The following NAA60 variants were observed in gnomAD, a reference collection of about 807,000 sequenced individuals.
NAA60 encodes N-alpha-acetyltransferase 60.
NAA60 carries 8 observed loss-of-function variants against 26.1 expected under a neutral mutation model. The observed-to-expected ratio is 0.31, with a 90% CI of 0.18 to 0.55. The LOEUF is 0.55. Among genes scored for constraint, NAA60 ranks in the 20% least tolerant of loss-of-function variants. The pLI, the probability that NAA60 is intolerant of heterozygous loss-of-function variation, is 0.93. For missense variants in NAA60, 290 were observed against 311.3 expected (o/e 0.93, Z 0.51); for synonymous variants, 131 against 122.5 (o/e 1.07, Z -0.46).
chr16:3,463,426 C>T (rs1034102747), intron 2 of NAA60, among the ~76,000 whole-genome samples: 3 of 151,044 alleles, frequency 2.0e-5, no homozygotes, highest in African/African-American at 4.9e-5. Context: ...AACTTAATGT[C>T]TGTACTGTCA....
intron 2 of NAA60, among the ~76,000 whole-genome samples, chr16:3,469,669 T>G (rs979079715): frequency 5.3e-5 from 8 of 152,136 alleles, no homozygotes; most frequent in Non-Finnish European, 1.0e-4. Context: ...AGCACCTGCC[T>G]GGCGGGGCCT....
intron 2 of NAA60, chr16:3,457,905 C>G (rs1310694239): frequency 2.6e-6 from 1 of 380,708 alleles, no homozygotes; most frequent in Non-Finnish European, 3.0e-6. Flanking sequence ...CGCACGGAGC[C>G]TGCCCGCTCC....
rs1567407045 is a variant in NAA60 at position 3,486,128 on chromosome 16, C to T, written c.*868C>T. The T allele has an allele frequency of 5.4e-6, 1 of 185,402 alleles. No individual in the cohort carries two copies. Among genetic ancestry groups the T allele is most frequent in the Non-Finnish European group, 1.2e-5 (1 of 86,156 alleles). 11.5% of individuals were successfully genotyped at this position (185,402 alleles called of 1,614,324 possible). A position where few individuals can be genotyped will look rare whatever the true frequency, so the allele number is the denominator to read the frequency against. ...GGAAGCTGAGCTCGACATTAGGCCTCAAGGCTGCCATCTGTCTTGTAGGGC... is the reference window on the plus strand; with the variant it reads ...GGAAGCTGAGCTCGACATTAGGCCTTAAGGCTGCCATCTGTCTTGTAGGGC... On this transcript the variant is annotated 3_prime_UTR_variant, in exon 8 of 8. Transcript: ENST00000407558.
At chr16:3,484,138 T>C (rs938198760) in intron 6 of NAA60, among the ~76,000 whole-genome samples, 2 of 152,176 alleles carry the variant, frequency 1.3e-5, no homozygotes, top group African/African-American at 2.4e-5. Flanking sequence ...CAGGAAACTT[T>C]ATAATAGTCA....
chr16:3,456,796 C>A (rs2035017219), intron 2 of NAA60: 1 of 146,544 alleles, frequency 6.8e-6, no homozygotes. Flanking sequence ...AGACTCAAAT[C>A]TTTTTTTTTT....
rs2036973455 is a variant in NAA60 at position 3,483,428 on chromosome 16, A to G, written c.403A>G (p.Ile135Val). The change falls in exon 6 of 8, where the codon ATT becomes GTT. Residue 135 changes from isoleucine (I) to valine (V), a missense_variant. By Grantham distance (29) the Ile-to-Val change is conservative. Transcript: ENST00000407558. ...CACCGCCCAGGACCACTGCAAAGCC[A>G]TTTACCTGCATGTCCTCACCACCAA... ...STTAQDHCKA[I>V]YLHVLTTNNT... The G allele has an allele frequency of 6.2e-7, 1 of 1,613,938 alleles. No individual in the cohort carries two copies. The highest frequency in any genetic ancestry group is 1.1e-5 in the South Asian group (1 of 91,080).
chr16:3,456,114 A>C lies in NAA60; in HGVS notation c.-7+7574A>C, dbSNP rs566804516. On this transcript the variant is annotated intron_variant, in intron 2 of 7. Coordinates refer to ENST00000407558, the MANE Select transcript of NAA60 (RefSeq NM_001083601.3). Reference sequence around the variant, plus strand: ...AACAGCCGGGCACGGTCTCAAAACAAACACACACCCCGTGGAAACAATAGA... The same window carrying C: ...AACAGCCGGGCACGGTCTCAAAACACACACACACCCCGTGGAAACAATAGA... 5.9e-5 allele frequency among the ~76,000 whole-genome samples: 9 copies of C among 152,306 alleles called. No homozygotes were observed. The East Asian group carries it at 1.5e-3, about 26-fold the overall frequency.
At chr16:3,472,491 AC>A (rs1283074979) in intron 2 of NAA60, 4 of 151,904 alleles carry the variant, frequency 2.6e-5, no homozygotes, top group Middle Eastern at 3.4e-3. Flanking sequence ...ATCTTGGCTC[AC>A]TGCAACCTTG....
chr16:3,459,333 G>A (rs986799487), intron 2 of NAA60, among the ~76,000 whole-genome samples: 1 of 152,228 alleles, frequency 6.6e-6, no homozygotes, highest in African/African-American at 2.4e-5. Context: ...ATATGGGTCA[G>A]TGTTCACAGG....
chr16:3,476,331 C>T lies in NAA60; in HGVS notation c.104C>T (p.Pro35Leu), dbSNP rs1472076803. 1.2e-6 allele frequency: 2 copies of T among 1,613,440 alleles called. No individual in the cohort carries two copies. Among genetic ancestry groups the T allele is most frequent in the Non-Finnish European group, 1.7e-6 (2 of 1,179,596 alleles). ...TVKHLCGDWF[P>L]IEYPDSWYRD... is the part of the protein sequence containing the mutation. The stretch of plus-strand genomic sequence containing the variant: ...AAGCACCTGTGTGGCGACTGGTTCC[C>T]CATCGAGTAAGTGGAGCGGATTGCA... Residue 35 changes from proline to leucine, a missense_variant, in exon 3 of 8, where the codon CCC becomes CTC. By Grantham distance (98) the Pro-to-Leu change is moderately conservative (BLOSUM62 -3). Coordinates refer to ENST00000407558, the MANE Select transcript of NAA60 (RefSeq NM_001083601.3).
intron 2 of NAA60, among the ~76,000 whole-genome samples, chr16:3,470,278 AG>A (rs1411617854): frequency 6.6e-6 from 1 of 152,162 alleles, no homozygotes; most frequent in African/African-American, 2.4e-5. Context: ...GCTTCCCACC[AG>A]GCCTGGCTTG....
chr16:3,461,486 C>T (rs2035391338), intron 2 of NAA60, among the ~76,000 whole-genome samples: 1 of 152,228 alleles, frequency 6.6e-6, no homozygotes, highest in South Asian at 2.1e-4. Flanking sequence ...GATTCCCCAT[C>T]TCTATCTCAG....
intron 2 of NAA60, chr16:3,458,198 C>A (rs2035109787): frequency 1.8e-5 from 18 of 982,170 alleles, no homozygotes; most frequent in Non-Finnish European, 1.8e-5. Flanking sequence ...TGGCGGGGGG[C>A]GGCCGCCGGG....
intron 2 of NAA60, among the ~76,000 whole-genome samples, chr16:3,469,210 G>C (rs572442426): frequency 6.6e-6 from 1 of 152,246 alleles, no homozygotes; most frequent in Non-Finnish European, 1.5e-5. Context: ...TTGGGCAACT[G>C]TGACTTTAGT....
intron 6 of NAA60, 179 bp from the exon 7 acceptor site, chr16:3,484,520 C>G: frequency 1.3e-6 from 1 of 771,028 alleles, no homozygotes. Flanking sequence ...TTTTGCACAG[C>G]AGAGGCCACT....
At chr16:3,446,463 G>A (rs113854330) in intron 1 of NAA60, among the ~76,000 whole-genome samples, 4,765 of 148,492 alleles carry the variant, frequency 0.032, 260 homozygotes, top group African/African-American at 0.11. Flanking sequence ...CCTGGGAGGC[G>A]GAGCTTGCAG....
chr16:3,447,913 T>C (rs1371546379), intron 1 of NAA60, among the ~76,000 whole-genome samples: 8 of 152,226 alleles, frequency 5.3e-5, no homozygotes, highest in Non-Finnish European at 1.2e-4. Context: ...ATGTTAATTC[T>C]GTTACCAAAA....
Position 3,485,516 on chromosome 16 carries a change from GCCCTGC to G in NAA60, c.*260_*265del, listed in dbSNP as rs1235489348. 1 of 455,814 alleles carries G rather than the reference GCCCTGC, an allele frequency of 2.2e-6. No homozygotes were observed. The highest frequency in any genetic ancestry group is 2.4e-5 in the Admixed American group (1 of 42,498). 28.2% of individuals were successfully genotyped at this position (455,814 alleles called of 1,614,324 possible). Reference sequence around the variant, plus strand: ...CTGGAAACCTCTGCCTGCTGCCCTGGCCCTGCCCCCCTGCGCATGCACCGTCCCCAG... The same window carrying G: ...CTGGAAACCTCTGCCTGCTGCCCTGGCCCCCTGCGCATGCACCGTCCCCAG... On this transcript the variant is annotated 3_prime_UTR_variant, in exon 8 of 8. Coordinates refer to ENST00000407558, the MANE Select transcript of NAA60 (RefSeq NM_001083601.3).
chr16:3,457,353 G>T (rs896217925), intron 2 of NAA60, among the ~76,000 whole-genome samples: 2 of 152,140 alleles, frequency 1.3e-5, no homozygotes, highest in African/African-American at 4.8e-5. Context: ...CTGTAGTCTC[G>T]GCTACTTGGG....
Sources: allele counts gnomAD v4.1 joint callset (sites outside exome capture counted in the v4.1 genomes callset), GRCh38; gene constraint gnomAD v4.1.1; transcripts MANE v1.5; gene names NCBI Gene and HGNC (gene_info 2026-07-23, HGNC 2026-07-21).